FSTL4: variants seen among roughly 807,000 people sequenced by gnomAD.
FSTL4 encodes the protein follistatin like 4, also known as follistatin-related protein 4.
In FSTL4, 28 loss-of-function variants were observed where a neutral mutation model predicts 78.2. The observed-to-expected ratio is 0.36, with a 90% CI of 0.27 to 0.49. FSTL4 has a LOEUF of 0.49. FSTL4 is among the 20% of genes least tolerant of loss of function. The pLI is 0.98. For synonymous variants in FSTL4, 422 were observed against 440.5 expected (o/e 0.96, Z 0.53); for missense variants, 922 against 1,084.9 (o/e 0.85, Z 2.11).
intron 3 of FSTL4, among the ~76,000 whole-genome samples, chr5:133,439,897 A>G (rs1757114824): frequency 6.6e-6 from 1 of 152,164 alleles, no homozygotes; most frequent in Non-Finnish European, 1.5e-5. Flanking sequence ...CTTCATTAGG[A>G]ATTCACTTCC....
chr5:133,313,478 C>T (rs962491133), intron 5 of FSTL4, among the ~76,000 whole-genome samples: 2 of 152,156 alleles, frequency 1.3e-5, no homozygotes, highest in African/African-American at 4.8e-5. Context: ...TGATCAGCCA[C>T]ACGTCCCAAG....
chr5:133,647,912 T>C, the FSTL4 span, among the ~76,000 whole-genome samples: 1 of 152,140 alleles, frequency 6.6e-6, no homozygotes, highest in Non-Finnish European at 1.5e-5. Flanking sequence ...TGGGAGGTAA[T>C]TGAATCATGG....
the FSTL4 span, among the ~76,000 whole-genome samples, chr5:133,695,592 G>T: frequency 6.6e-6 from 1 of 152,324 alleles, no homozygotes; most frequent in Non-Finnish European, 1.5e-5. Context: ...AGCAGCCACA[G>T]TAAGGAAGAT....
At chr5:133,814,101 G>A in the FSTL4 span, among the ~76,000 whole-genome samples, 2 of 152,222 alleles carry the variant, frequency 1.3e-5, no homozygotes, top group South Asian at 2.1e-4. Context: ...GCCTGCTGAA[G>A]TAAGAACACA....
chr5:133,287,041 A>G (rs1188777329), intron 6 of FSTL4, among the ~76,000 whole-genome samples: 1 of 152,226 alleles, frequency 6.6e-6, no homozygotes, highest in Non-Finnish European at 1.5e-5. Flanking sequence ...TATGTTCACA[A>G]GTCCAAATAC....
chr5:133,316,266 A>G (rs1001148936), intron 5 of FSTL4, among the ~76,000 whole-genome samples, 193 bp downstream of exon 5: 3 of 152,232 alleles, frequency 2.0e-5, no homozygotes. Context: ...TTTTTGCCAG[A>G]TAGCTGAGAG....
chr5:133,219,670 C>T (rs1581537358), intron 12 of FSTL4, among the ~76,000 whole-genome samples: 1 of 152,196 alleles, frequency 6.6e-6, no homozygotes, highest in Non-Finnish European at 1.5e-5. Flanking sequence ...CAGCTCACCA[C>T]AGTCTTATAT....
chr5:133,340,160 C>T (rs1474655289), intron 4 of FSTL4, among the ~76,000 whole-genome samples: 2 of 152,214 alleles, frequency 1.3e-5, no homozygotes, highest in African/African-American at 4.8e-5. Context: ...CTCATTTCCT[C>T]ATCTGTCAAA....
chr5:133,379,480 A>T (rs1010073347), intron 4 of FSTL4, among the ~76,000 whole-genome samples: 2 of 152,172 alleles, frequency 1.3e-5, no homozygotes, highest in African/African-American at 4.8e-5. Flanking sequence ...AACATTTTCC[A>T]GGACAGACCA....
the FSTL4 span, among the ~76,000 whole-genome samples, chr5:133,750,345 T>G: frequency 6.6e-6 from 1 of 152,202 alleles, no homozygotes; most frequent in Non-Finnish European, 1.5e-5. Flanking sequence ...AGGTGCTTTT[T>G]GGAGAATCAC....
intron 5 of FSTL4, among the ~76,000 whole-genome samples, chr5:133,316,069 A>C (rs1335663403): frequency 1.3e-5 from 2 of 152,208 alleles, no homozygotes; most frequent in African/African-American, 4.8e-5. Context: ...TGATCTTTGG[A>C]TACTAAGGAG....
the FSTL4 span, among the ~76,000 whole-genome samples, chr5:133,785,382 C>T: frequency 6.6e-6 from 1 of 152,174 alleles, no homozygotes; most frequent in South Asian, 2.1e-4. Context: ...TGCCGAGATA[C>T]CTTTAGCAAG....
chr5:133,551,700 C>T (rs1019690639), intron 3 of FSTL4, among the ~76,000 whole-genome samples: 1 of 152,160 alleles, frequency 6.6e-6, no homozygotes, highest in Non-Finnish European at 1.5e-5. Flanking sequence ...TAAAAACATA[C>T]TTTTAAAATG....
At chr5:133,559,757 T>C (rs765705230) in intron 3 of FSTL4, among the ~76,000 whole-genome samples, 10 of 152,208 alleles carry the variant, frequency 6.6e-5, no homozygotes, top group African/African-American at 2.4e-4. Flanking sequence ...CTCATGTGCA[T>C]GAACACAGTT....
chr5:133,504,634 C>A (rs1212641628), intron 3 of FSTL4, among the ~76,000 whole-genome samples: 1 of 152,176 alleles, frequency 6.6e-6, no homozygotes, highest in Non-Finnish European at 1.5e-5. Flanking sequence ...ATTACCTTGT[C>A]CCATGTATCC....
At chr5:133,820,389 C>T in the FSTL4 span, among the ~76,000 whole-genome samples, 1 of 152,226 alleles carries the variant, frequency 6.6e-6, no homozygotes, top group South Asian at 2.1e-4. Context: ...ATAGTGCCAT[C>T]AGCTGTGAGG....
chr5:133,711,320 C>G, the FSTL4 span, among the ~76,000 whole-genome samples: 3 of 152,256 alleles, frequency 2.0e-5, no homozygotes, highest in East Asian at 5.8e-4. Flanking sequence ...AAACCCAGCC[C>G]CCATCTAAAA....
chr5:133,820,911 G>A, the FSTL4 span, among the ~76,000 whole-genome samples: 1 of 152,222 alleles, frequency 6.6e-6, no homozygotes, highest in African/African-American at 2.4e-5. Context: ...GTTATTGATA[G>A]TGTATTCTAA....
At chr5:133,479,623 G>A (rs2112856671) in intron 3 of FSTL4, among the ~76,000 whole-genome samples, 1 of 152,328 alleles carries the variant, frequency 6.6e-6, no homozygotes, top group South Asian at 2.1e-4. Context: ...TGTGAGACAT[G>A]CCCAGAGGAG....
Sources: gnomAD v4.1 joint callset for allele counts (sites outside exome capture counted in the v4.1 genomes callset) on GRCh38, gnomAD v4.1.1 for gene constraint, MANE v1.5 for transcripts, NCBI Gene and HGNC (gene_info 2026-07-23, HGNC 2026-07-21) for gene names.